The following SLCO1A2 variants were observed in gnomAD, a reference collection of about 807,000 sequenced individuals.
SLCO1A2 encodes the protein solute carrier organic anion transporter family member 1A2.
Under a neutral mutation model 69.0 loss-of-function variants are expected in SLCO1A2, and 67 were observed. The observed-to-expected ratio is 0.97, with a 90% CI of 0.80 to 1.19. The LOEUF is 1.19. SLCO1A2 is among the 50% of genes most tolerant of loss of function. SLCO1A2 has a pLI of 0.00. For synonymous variants in SLCO1A2, 260 were observed against 265.9 expected (o/e 0.98, Z 0.22); for missense variants, 787 against 793.7 (o/e 0.99, Z 0.10).
chr12:21,351,154 A>G (rs996830167), intron 2 of SLCO1A2, among the ~76,000 whole-genome samples: 1 of 152,156 alleles, frequency 6.6e-6, no homozygotes, highest in Non-Finnish European at 1.5e-5. Context: ...CACTGAGTAA[A>G]TAAGAAGTTA....
At chr12:21,288,081 C>T (rs1946241072) in intron 12 of SLCO1A2, among the ~76,000 whole-genome samples, 1 of 149,826 alleles carries the variant, frequency 6.7e-6, no homozygotes, top group African/African-American at 2.5e-5. Context: ...GAGGTCATAA[C>T]GTTAAGTAAA....
At chr12:21,391,842 A>T (rs1941171678) in intron 1 of SLCO1A2, among the ~76,000 whole-genome samples, 1 of 152,076 alleles carries the variant, frequency 6.6e-6, no homozygotes, top group Non-Finnish European at 1.5e-5. Flanking sequence ...ACGTAAACCA[A>T]ATCTCCTTCC....
chr12:21,289,818 G>A (rs934774164), intron 12 of SLCO1A2, among the ~76,000 whole-genome samples: 22 of 151,906 alleles, frequency 1.4e-4, no homozygotes, highest in Non-Finnish European at 2.5e-4. Context: ...TCTAAAGTGG[G>A]GGCAGTCTTG....
At chr12:21,373,459 T>C (rs1939950254) in intron 2 of SLCO1A2, 6 of 1,471,310 alleles carry the variant, frequency 4.1e-6, no homozygotes, top group Non-Finnish European at 5.7e-6. Context: ...CCTGTTTCTT[T>C]GTAACTTTTG....
At chr12:21,320,667 T>C (rs1180464447) in intron 2 of SLCO1A2, among the ~76,000 whole-genome samples, 1 of 152,008 alleles carries the variant, frequency 6.6e-6, no homozygotes, top group Non-Finnish European at 1.5e-5. Flanking sequence ...ACCGGTTAGC[T>C]TTTGTATTTT....
intron 8 of SLCO1A2, among the ~76,000 whole-genome samples, chr12:21,300,047 T>C (rs932074814): frequency 4.5e-5 from 6 of 132,522 alleles, no homozygotes; most frequent in African/African-American, 1.2e-4. Flanking sequence ...TATATATATG[T>C]GTGTGTACAT....
chr12:21,397,683 A>G (rs1197961197), upstream of SLCO1A2, among the ~76,000 whole-genome samples: 8 of 149,692 alleles, frequency 5.3e-5, no homozygotes, highest in African/African-American at 2.0e-4. Flanking sequence ...CTCTCAGACC[A>G]CAGTGCAATC....
At chr12:21,356,909 G>A (rs559238653) in intron 2 of SLCO1A2, among the ~76,000 whole-genome samples, 30 of 152,002 alleles carry the variant, frequency 2.0e-4, no homozygotes, top group African/African-American at 5.1e-4. Flanking sequence ...TCCAGTGCTC[G>A]TGGAAACTTT....
intron 1 of SLCO1A2, among the ~76,000 whole-genome samples, chr12:21,402,807 C>T (rs889362868): frequency 2.0e-5 from 3 of 152,092 alleles, no homozygotes; most frequent in Admixed American, 6.6e-5. Flanking sequence ...GTATGTTTTA[C>T]ATGAGCATAG....
At chr12:21,310,835 C>T (rs903314036) in intron 4 of SLCO1A2, among the ~76,000 whole-genome samples, 1 of 152,172 alleles carries the variant, frequency 6.6e-6, no homozygotes, top group Non-Finnish European at 1.5e-5. Flanking sequence ...GATCTCCTGA[C>T]CTCGTGATCC....
In SLCO1A2 at chr12:21,266,757, A is replaced by G. The variant is rs933438315; in HGVS notation, c.*2791T>C. 1.3e-5 allele frequency: 2 copies of G among 152,092 alleles called. No homozygotes were observed. Among genetic ancestry groups the G allele is most frequent in the Non-Finnish European group, 2.9e-5 (2 of 68,002 alleles). 9.4% of individuals were successfully genotyped at this position (152,092 alleles called of 1,614,324 possible). A position where few individuals can be genotyped will look rare whatever the true frequency, so the allele number is the denominator to read the frequency against. On this transcript the variant is annotated 3_prime_UTR_variant, in exon 15 of 15. Coordinates refer to ENST00000683939, the MANE Select transcript of SLCO1A2 (RefSeq NM_001386879.1). ...AAACCCATTTACCTGCTGTAATGCTATCTGGCTCCACAAAGCAACATTTCA... is the reference window on the plus strand; with the variant it reads ...AAACCCATTTACCTGCTGTAATGCTGTCTGGCTCCACAAAGCAACATTTCA...
intron 10 of SLCO1A2, 150 bp downstream of exon 10, chr12:21,295,447 G>C: frequency 1.6e-6 from 1 of 608,484 alleles, no homozygotes; most frequent in Non-Finnish European, 2.9e-6. Flanking sequence ...AGATTGGCTT[G>C]ATTGACAGAT....
chr12:21,363,713 A>T (rs1439473642), intron 2 of SLCO1A2, among the ~76,000 whole-genome samples: 1 of 152,204 alleles, frequency 6.6e-6, no homozygotes, highest in Non-Finnish European at 1.5e-5. Context: ...GATAAAGGGG[A>T]TATCACCATC....
In SLCO1A2 at chr12:21,297,464, T is replaced by C. The variant is rs746543307; in HGVS notation, c.1015A>G (p.Met339Val). The C allele has an allele frequency of 1.9e-6, 3 of 1,612,918 alleles. No individual in the cohort carries two copies. The highest frequency in any genetic ancestry group is 1.7e-5 in the Admixed American group (1 of 59,938). ...TATTGCTGTTCTAGGTATTTAGGCA[T>C]GAAGGAGATCATGTTAACGAATGCA... ...FNAFVNMISFMPKYLEQQYGI... is the reference protein window; with the variant it reads ...FNAFVNMISFVPKYLEQQYGI... Residue 339 changes from methionine to valine, a missense_variant, in exon 9 of 15, where the codon ATG becomes GTG. Coordinates refer to ENST00000683939, the MANE Select transcript of SLCO1A2 (RefSeq NM_001386879.1).
At chr12:21,344,964 T>C (rs1953204568) in intron 2 of SLCO1A2, among the ~76,000 whole-genome samples, 1 of 152,038 alleles carries the variant, frequency 6.6e-6, no homozygotes. Context: ...AAATCTCCTA[T>C]TCCATATTTA....
chr12:21,284,047 A>G (rs560835821), intron 12 of SLCO1A2, among the ~76,000 whole-genome samples: 1 of 152,300 alleles, frequency 6.6e-6, no homozygotes, highest in South Asian at 2.1e-4. Context: ...TGATCCAGCA[A>G]TCCCACTTCT....
rs754142877 is a variant in SLCO1A2, at chr12:21,314,581, G to A, written c.303C>T (p.Phe101=). The change falls in exon 4 of 15, where the codon TTC becomes TTT. Residue 101 remains phenylalanine (F), a synonymous_variant. Coordinates refer to ENST00000683939, the MANE Select transcript of SLCO1A2 (RefSeq NM_001386879.1). ...IGCVVMGLGC[F]LKSLPHFLMN... ...TGAGGAAATGAGGTAGTGATTTTAA[G>A]AAACAGCCTAAGCCCATAACCACAC... The A allele has an allele frequency of 2.5e-6, 4 of 1,613,956 alleles. No individual in the cohort carries two copies. The African/African-American group carries it at 5.3e-5, about 22-fold the overall frequency.
At chr12:21,371,055 C>T (rs560644932) in intron 2 of SLCO1A2, among the ~76,000 whole-genome samples, 27 of 152,266 alleles carry the variant, frequency 1.8e-4, no homozygotes, top group East Asian at 5.8e-4. Context: ...CAGCTTACGG[C>T]GGTTTTGCAG....
intron 1 of SLCO1A2, among the ~76,000 whole-genome samples, chr12:21,393,619 A>T (rs1480443131): frequency 6.6e-6 from 1 of 152,158 alleles, no homozygotes; most frequent in Non-Finnish European, 1.5e-5. Context: ...GCCCAATTTA[A>T]TTTTTTTAGG....
Sources: allele counts gnomAD v4.1 joint callset (sites outside exome capture counted in the v4.1 genomes callset), GRCh38; gene constraint gnomAD v4.1.1; transcripts MANE v1.5; gene names NCBI Gene and HGNC (gene_info 2026-07-23, HGNC 2026-07-21).